CSMD1: variants seen among roughly 807,000 people sequenced by gnomAD.
CSMD1 encodes CUB and Sushi multiple domains 1, also known as CUB and sushi domain-containing protein 1.
CSMD1 carries 213 observed loss-of-function variants against 417.5 expected under a neutral mutation model. That is an observed-to-expected ratio of 0.51 (90% CI 0.46 to 0.57). The LOEUF is 0.57. Among genes scored for constraint, CSMD1 ranks in the 20% least tolerant of loss-of-function variants. The pLI is 0.00. For missense variants in CSMD1, 6,923 were observed against 4,529.7 expected, an observed-to-expected ratio of 1.53 and a Z score of -15.17; for synonymous variants, 2,862 against 1,736.8, an observed-to-expected ratio of 1.65 and a Z score of -16.11.
chr8:4,295,323 C>CGT (rs1797614847), intron 3 of CSMD1, among the ~76,000 whole-genome samples: 4 of 111,484 alleles, frequency 3.6e-5, no homozygotes, highest in African/African-American at 5.6e-5. Context: ...TAAGATTATG[C>CGT]ACATATAATC....
At chr8:3,571,962 G>A (rs529843347) in intron 10 of CSMD1, among the ~76,000 whole-genome samples, 28 of 152,244 alleles carry the variant, frequency 1.8e-4, no homozygotes, top group Admixed American at 1.8e-3. Context: ...TCTCCTCGTG[G>A]ATCCCCCTAA....
At chr8:3,175,477 C>CT (rs11394308) in intron 37 of CSMD1, among the ~76,000 whole-genome samples, 2,549 of 55,374 alleles carry the variant, frequency 0.046, 79 homozygotes, top group African/African-American at 0.12. Context: ...CTTCTTTTCC[C>CT]TTCCTTCCTG....
At chr8:3,227,306 C>A (rs111919491) in intron 27 of CSMD1, among the ~76,000 whole-genome samples, 14,723 of 108,668 alleles carry the variant, frequency 0.14, 929 homozygotes, top group East Asian at 0.25. Context: ...GAGGCTGAGG[C>A]AGGAGAATCA....
intron 7 of CSMD1, among the ~76,000 whole-genome samples, chr8:3,678,912 C>A (rs900818076): frequency 1.9e-4 from 29 of 152,004 alleles, no homozygotes; most frequent in African/African-American, 7.0e-4. Context: ...AATTTTCAAC[C>A]CAGAATTTCA....
rs186017690 is a variant in CSMD1, at chr8:4,352,622, G to A, written c.415+67331C>T. On this transcript the variant is annotated intron_variant, in intron 3 of 69. Coordinates refer to ENST00000635120, the MANE Select transcript of CSMD1 (RefSeq NM_033225.6). ...GTTTGAGAAAAGTCATTTGCCCCGAGTGACACCGAGGAGCTTAACAGCATA... is the reference window on the plus strand; with the variant it reads ...GTTTGAGAAAAGTCATTTGCCCCGAATGACACCGAGGAGCTTAACAGCATA... Among the ~76,000 whole-genome samples, 415 of 152,296 alleles carry A rather than the reference G, an allele frequency of 2.7e-3. 1 individual carries two copies. Among genetic ancestry groups the A allele is most frequent in the African/African-American group, 9.8e-3 (408 of 41,568 alleles).
chr8:4,961,707 C>A (rs867043529), intron 1 of CSMD1, among the ~76,000 whole-genome samples: 1 of 151,866 alleles, frequency 6.6e-6, no homozygotes, highest in Non-Finnish European at 1.5e-5. Flanking sequence ...GAAATGATAA[C>A]GTAATTTTAT....
intron 3 of CSMD1, among the ~76,000 whole-genome samples, chr8:4,216,314 C>T (rs1800664879): frequency 6.6e-6 from 1 of 152,084 alleles, no homozygotes; most frequent in African/African-American, 2.4e-5. Context: ...TATCTGTCAC[C>T]TCAGTAACTG....
chr8:3,288,035 G>A lies in CSMD1; in HGVS notation c.3951-3689C>T, dbSNP rs1262153380. On this transcript the variant is annotated intron_variant, in intron 25 of 69. Transcript: ENST00000635120. ...GAAAGGTTGTTGAATTTTGTCAAAG[G>A]CCTTTTCTGCATCTATTGAGATAAT... Among the ~76,000 whole-genome samples the A allele has an allele frequency of 2.7e-5, 4 of 147,302 alleles. No homozygotes were observed. In the South Asian group the frequency reaches 6.3e-4, roughly 23 times the overall value.
At chr8:4,518,261 A>G (rs1803231847) in intron 2 of CSMD1, among the ~76,000 whole-genome samples, 1 of 152,098 alleles carries the variant, frequency 6.6e-6, no homozygotes, top group Non-Finnish European at 1.5e-5. Context: ...CAGACACAAA[A>G]CAGCAGCATC....
At chr8:4,502,040 C>T (rs1206362212) in intron 2 of CSMD1, among the ~76,000 whole-genome samples, 1 of 152,072 alleles carries the variant, frequency 6.6e-6, no homozygotes, top group East Asian at 1.9e-4. Context: ...TTAAGAATAA[C>T]AATTATGTCC....
intron 7 of CSMD1, among the ~76,000 whole-genome samples, chr8:3,665,620 C>A (rs922033945): frequency 1.3e-5 from 2 of 152,248 alleles, no homozygotes; most frequent in South Asian, 4.2e-4. Flanking sequence ...CAGTAGGGTT[C>A]TAAATAATCC....
At chr8:3,112,675 C>G (rs1363757466) in intron 42 of CSMD1, among the ~76,000 whole-genome samples, 3 of 152,142 alleles carry the variant, frequency 2.0e-5, no homozygotes, top group Non-Finnish European at 4.4e-5. Context: ...CGTAGAGACC[C>G]TGTTGCTGCC....
intron 51 of CSMD1, among the ~76,000 whole-genome samples, chr8:3,021,707 T>C (rs1563246887): frequency 8.7e-6 from 1 of 114,926 alleles, no homozygotes; most frequent in Admixed American, 9.2e-5. Flanking sequence ...TCCCACAGCA[T>C]CTGGAATGCA....
chr8:3,455,229 G>A (rs192842344), intron 12 of CSMD1, among the ~76,000 whole-genome samples: 2 of 152,022 alleles, frequency 1.3e-5, no homozygotes, highest in East Asian at 3.9e-4. Flanking sequence ...TTTTTTCAAG[G>A]TTTTTAACTT....
At chr8:4,695,859 G>T (rs1448994457) in intron 1 of CSMD1, among the ~76,000 whole-genome samples, 1 of 152,126 alleles carries the variant, frequency 6.6e-6, no homozygotes, top group Non-Finnish European at 1.5e-5. Flanking sequence ...CTAGACTGGT[G>T]GCCCACCACT....
chr8:3,361,043 C>G (rs184333491), intron 20 of CSMD1, among the ~76,000 whole-genome samples: 30 of 152,256 alleles, frequency 2.0e-4, no homozygotes, highest in Admixed American at 1.9e-3. Context: ...GCAATCTACT[C>G]TGGATCTGTA....
At chr8:3,616,582 T>G in intron 8 of CSMD1, 128 bp downstream of exon 8, 1 of 647,732 alleles carries the variant, frequency 1.5e-6, no homozygotes, top group Admixed American at 2.7e-5. Flanking sequence ...TTACACACAT[T>G]TAGAGTTAAT....
intron 3 of CSMD1, among the ~76,000 whole-genome samples, chr8:4,190,457 C>G (rs929340699): frequency 1.8e-4 from 28 of 151,694 alleles, no homozygotes; most frequent in African/African-American, 6.3e-4. Context: ...TAATCAGAGC[C>G]TAACACTATT....
intron 2 of CSMD1, among the ~76,000 whole-genome samples, chr8:4,503,362 T>A (rs763346737): frequency 6.6e-6 from 1 of 152,134 alleles, no homozygotes. Context: ...ATGCCTACCA[T>A]CATACTCAAC....
Sources: allele counts gnomAD v4.1 joint callset (sites outside exome capture counted in the v4.1 genomes callset), GRCh38; gene constraint gnomAD v4.1.1; transcripts MANE v1.5; gene names NCBI Gene and HGNC (gene_info 2026-07-23, HGNC 2026-07-21).